The following LRP8 variants were observed in gnomAD, a reference collection of about 807,000 sequenced individuals.
LRP8 encodes the protein LDL receptor related protein 8.
LRP8 carries 46 observed loss-of-function variants against 111.6 expected under a neutral mutation model. The observed-to-expected ratio is 0.41, with a 90% CI of 0.33 to 0.53. The LOEUF (loss-of-function observed/expected upper bound fraction) is 0.53, where lower values mean the gene tolerates loss of function less well. Among genes scored for constraint, LRP8 ranks in the 20% least tolerant of loss-of-function variants. The pLI is 0.20. For synonymous variants in LRP8, 464 were observed against 511.2 expected, an observed-to-expected ratio of 0.91 and a Z score of 1.24; for missense variants, 959 against 1,297.4, an observed-to-expected ratio of 0.74 and a Z score of 4.01.
intron 2 of LRP8, among the ~76,000 whole-genome samples, chr1:53,290,105 C>T (rs1028670341): frequency 2.6e-4 from 34 of 129,500 alleles, no homozygotes; most frequent in African/African-American, 6.1e-4. Context: ...CTTCTGCAGG[C>T]GCCAGGGGAG....
At chr1:53,295,192 G>T (rs1378578801) in intron 2 of LRP8, among the ~76,000 whole-genome samples, 1 of 152,230 alleles carries the variant, frequency 6.6e-6, no homozygotes, top group Admixed American at 6.5e-5. Context: ...AGGCTTCCCA[G>T]AGGAGGGGCA....
intron 4 of LRP8, among the ~76,000 whole-genome samples, chr1:53,278,421 G>T (rs140312624): frequency 6.6e-6 from 1 of 152,210 alleles, no homozygotes; most frequent in African/African-American, 2.4e-5. Context: ...ACGTGGGGGC[G>T]CCCAGAGTCT....
At chr1:53,256,210 C>T (rs1646081859) in intron 15 of LRP8, among the ~76,000 whole-genome samples, 2 of 152,210 alleles carry the variant, frequency 1.3e-5, no homozygotes, top group Non-Finnish European at 1.5e-5. Flanking sequence ...CGGCAATGGC[C>T]CAAGGCCCAT....
chr1:53,291,889 TC>T (rs1170186593), intron 2 of LRP8: 1 of 152,184 alleles, frequency 6.6e-6, no homozygotes, highest in African/African-American at 2.4e-5. Context: ...TGATTGCGAG[TC>T]CAACATGGTT....
Position 53,243,364 on chromosome 1 carries a change from T to C in LRP8, c.*3654A>G, listed in dbSNP as rs1246812930. On this transcript the variant is annotated 3_prime_UTR_variant, in exon 19 of 19. Transcript: ENST00000306052. ...TGCATCTGTGAAAATCCCACTGCCCTTATATTAGTCTTCATTGACCATATA... is the reference window on the plus strand; with the variant it reads ...TGCATCTGTGAAAATCCCACTGCCCCTATATTAGTCTTCATTGACCATATA... 6.6e-6 allele frequency: 1 copy of C among 152,198 alleles called. No individual in the cohort carries two copies. The highest frequency in any genetic ancestry group is 1.5e-5 in the Non-Finnish European group (1 of 68,028). 9.4% of individuals were successfully genotyped at this position (152,198 alleles called of 1,614,324 possible). A position where few individuals can be genotyped will look rare whatever the true frequency, so the allele number is the denominator to read the frequency against.
chr1:53,277,278 TG>T (rs1354843533), intron 4 of LRP8, among the ~76,000 whole-genome samples, 200 bp from the exon 5 acceptor site: 1 of 152,210 alleles, frequency 6.6e-6, no homozygotes, highest in Non-Finnish European at 1.5e-5. Context: ...GCAACACACC[TG>T]CCCTTTGTGA....
At chr1:53,314,161 C>G (rs931378598) in intron 2 of LRP8, among the ~76,000 whole-genome samples, 2 of 152,220 alleles carry the variant, frequency 1.3e-5, no homozygotes, top group African/African-American at 4.8e-5. Context: ...AGCCACAGCC[C>G]CCCAGTGCTA....
chr1:53,289,915 T>C (rs1648342256), intron 2 of LRP8, among the ~76,000 whole-genome samples: 1 of 152,144 alleles, frequency 6.6e-6, no homozygotes, highest in East Asian at 1.9e-4. Context: ...CCAGCAAGCA[T>C]GACAAGATTT....
chr1:53,325,557 T>A (rs1000967572), intron 2 of LRP8, among the ~76,000 whole-genome samples: 1 of 152,208 alleles, frequency 6.6e-6, no homozygotes, highest in Non-Finnish European at 1.5e-5. Context: ...GAGGGAAAGA[T>A]GTGCTAGAGA....
chr1:53,327,622 C>T (rs1171421736), intron 1 of LRP8, among the ~76,000 whole-genome samples, 167 bp downstream of exon 1: 1 of 152,058 alleles, frequency 6.6e-6, no homozygotes, highest in Non-Finnish European at 1.5e-5. Flanking sequence ...CCCGCGGGGG[C>T]GGGGGGCCGA....
chr1:53,316,303 G>T (rs993869124), intron 2 of LRP8, among the ~76,000 whole-genome samples: 1 of 152,128 alleles, frequency 6.6e-6, no homozygotes, highest in Non-Finnish European at 1.5e-5. Flanking sequence ...AGGCAGTAGA[G>T]GCAGGCTGGG....
intron 2 of LRP8, among the ~76,000 whole-genome samples, chr1:53,291,228 G>C (rs780732303): frequency 9.9e-5 from 15 of 152,066 alleles, no homozygotes; most frequent in Admixed American, 2.0e-4. Flanking sequence ...GACGGCAGGG[G>C]GGTCTCTTTT....
In LRP8 at chr1:53,317,743, C is replaced by T. The variant is rs545177453; in HGVS notation, c.244+9130G>A. Among the ~76,000 whole-genome samples the T allele has an allele frequency of 1.3e-5, 2 of 152,330 alleles. No homozygotes were observed. Among genetic ancestry groups the T allele is most frequent in the East Asian group, 1.9e-4 (1 of 5,186 alleles). ...GAATATGGGCTCATTTTCCCGCTTTCGGAAAGTCTCATGAAGCTGGTGGGC... is the reference window on the plus strand; with the variant it reads ...GAATATGGGCTCATTTTCCCGCTTTTGGAAAGTCTCATGAAGCTGGTGGGC... On this transcript the variant is annotated intron_variant, in intron 2 of 18. Coordinates refer to ENST00000306052, the MANE Select transcript of LRP8 (RefSeq NM_004631.5). The surrounding 1 kb of genome is among the most constrained non-coding windows in gnomAD (Gnocchi z 4.9).
At chr1:53,272,506 T>C in intron 6 of LRP8, 1 of 1,124,932 alleles carries the variant, frequency 8.9e-7, no homozygotes. Flanking sequence ...GCCATGGCCA[T>C]GCATATAGCT....
At chr1:53,301,456 G>A (rs778739496) in intron 2 of LRP8, among the ~76,000 whole-genome samples, 4 of 152,154 alleles carry the variant, frequency 2.6e-5, no homozygotes, top group Admixed American at 6.5e-5. Context: ...GCATGGTGGC[G>A]CACGCCTGTA....
rs1647041933 is a variant in LRP8 at position 53,279,686 on chromosome 1, G to A, written c.496+901C>T. 6.6e-6 allele frequency among the ~76,000 whole-genome samples: 1 copy of A among 152,248 alleles called. No homozygotes were observed. The highest frequency in any genetic ancestry group is 6.5e-5 in the Admixed American group (1 of 15,288). ...TAGGATGCAAATATAGAGGCTGGCA[G>A]AGGGGAGTAGGCAGCAGTGATGGGC... On this transcript the variant is annotated intron_variant, in intron 4 of 18. Transcript: ENST00000306052. The surrounding 1 kb of genome is among the most constrained non-coding windows in gnomAD (Gnocchi z 4.4).
chr1:53,311,973 C>T (rs978466890), intron 2 of LRP8, among the ~76,000 whole-genome samples: 1 of 152,236 alleles, frequency 6.6e-6, no homozygotes, highest in Non-Finnish European at 1.5e-5. Flanking sequence ...ATACAAGGCA[C>T]GTGGCCAGCG....
intron 9 of LRP8, among the ~76,000 whole-genome samples, chr1:53,264,798 A>G (rs539752643): frequency 1.3e-5 from 2 of 152,276 alleles, no homozygotes; most frequent in South Asian, 4.2e-4. Context: ...GCCATTAGGG[A>G]ACAAGAAAGG....
At chr1:53,308,931 C>T (rs1352858676) in intron 2 of LRP8, among the ~76,000 whole-genome samples, 1 of 152,204 alleles carries the variant, frequency 6.6e-6, no homozygotes, top group Non-Finnish European at 1.5e-5. Context: ...CTGTGCCTCA[C>T]CATCTCTATC....
Sources: allele counts gnomAD v4.1 joint callset (sites outside exome capture counted in the v4.1 genomes callset), GRCh38; gene constraint gnomAD v4.1.1; non-coding constraint Gnocchi (gnomAD v3.1); transcripts MANE v1.5; gene names NCBI Gene and HGNC (gene_info 2026-07-23, HGNC 2026-07-21).